HACD4: variants seen among roughly 807,000 people sequenced by gnomAD.
HACD4 encodes very-long-chain (3R)-3-hydroxyacyl-CoA dehydratase 4.
Under a neutral mutation model 33.3 loss-of-function variants are expected in HACD4, and 35 were observed. That is an observed-to-expected ratio of 1.05 (90% confidence interval 0.80 to 1.39). HACD4 has a LOEUF of 1.39. HACD4 is among the 40% of genes most tolerant of loss of function. The probability of loss-of-function intolerance (pLI) is 0.00; values close to 1 mark genes in which losing one functional copy is unlikely to be tolerated. For missense variants in HACD4, 323 were observed against 276.5 expected, an observed-to-expected ratio of 1.17 and a Z score of -1.19; for synonymous variants, 118 against 98.0, an observed-to-expected ratio of 1.20 and a Z score of -1.21.
chr9:21,003,698 G>C lies in HACD4; in HGVS notation c.*3339C>G, dbSNP rs1052109968. 6.6e-6 allele frequency: 1 copy of C among 151,980 alleles called. No individual in the cohort carries two copies. Among genetic ancestry groups the C allele is most frequent in the Non-Finnish European group, 1.5e-5 (1 of 67,976 alleles). 9.4% of individuals were successfully genotyped at this position (151,980 alleles called of 1,614,324 possible). A position where few individuals can be genotyped will look rare whatever the true frequency, so the allele number is the denominator to read the frequency against. ...ACCTTTTTACATAGTTTCTAGGTAA[G>C]ATCTTTATAATTCTTTACCAAAAAT... On this transcript the variant is annotated 3_prime_UTR_variant, in exon 7 of 7. Coordinates refer to ENST00000495827, the MANE Select transcript of HACD4 (RefSeq NM_001010915.5).
At chr9:21,013,066 CAAAAAAAA>C in intron 4 of HACD4, among the ~76,000 whole-genome samples, 1 of 69,056 alleles carries the variant, frequency 1.4e-5, no homozygotes, top group Middle Eastern at 8.1e-3. Context: ...GACTCCATCT[CAAAAAAAA>C]AAAAAAAAAG....
chr9:21,018,077 C>T (rs572440600), intron 3 of HACD4, among the ~76,000 whole-genome samples: 1 of 152,174 alleles, frequency 6.6e-6, no homozygotes, highest in Admixed American at 6.5e-5. Flanking sequence ...AAGACTCCCT[C>T]TATATTCGGT....
At chr9:21,009,815 A>G (rs1842368153) in intron 5 of HACD4, among the ~76,000 whole-genome samples, 2 of 152,100 alleles carry the variant, frequency 1.3e-5, no homozygotes, top group African/African-American at 2.4e-5. Flanking sequence ...TTTCCTTTCT[A>G]TATTCTCTAC....
At chr9:21,022,906 G>A (rs1177452750) in intron 3 of HACD4, among the ~76,000 whole-genome samples, 4 of 151,790 alleles carry the variant, frequency 2.6e-5, no homozygotes, top group African/African-American at 7.3e-5. Flanking sequence ...CTGCTATAAA[G>A]ACACATGCAC....
rs747763303 is a variant in HACD4 at position 21,005,722 on chromosome 9, C to T, written c.*1315G>A. On this transcript the variant is annotated 3_prime_UTR_variant, in exon 7 of 7. Transcript: ENST00000495827. This position sits in a 1 kb window ranked among gnomAD's most constrained non-coding sequence, Gnocchi z 4.0. Reference sequence around the variant, plus strand: ...GGGGTCATCCTCCTCCAACATAGTCCTGGGGGCAATACCTCTGCCTCACTG... The same window carrying T: ...GGGGTCATCCTCCTCCAACATAGTCTTGGGGGCAATACCTCTGCCTCACTG... The T allele has an allele frequency of 6.6e-6, 1 of 152,254 alleles. No individual in the cohort carries two copies. The highest frequency in any genetic ancestry group is 1.5e-5 in the Non-Finnish European group (1 of 68,128). The allele number at this position is 152,254 out of a possible 1,614,324, so 9.4% of individuals were successfully genotyped here.
intron 1 of HACD4, 172 bp downstream of exon 1, chr9:21,031,381 G>A (rs1347220132): frequency 1.2e-6 from 1 of 846,346 alleles, no homozygotes; most frequent in Non-Finnish European, 1.4e-6. Context: ...GTGGTCAAGA[G>A]GGGTAAGTTA....
intron 5 of HACD4, among the ~76,000 whole-genome samples, chr9:21,011,089 A>G (rs572956555): frequency 1.2e-4 from 19 of 152,270 alleles, no homozygotes; most frequent in Non-Finnish European, 2.2e-4. Context: ...AAGATTCATG[A>G]TACTGTACCC....
Position 21,008,901 on chromosome 9 carries a change from C to T in HACD4, c.491-755G>A, listed in dbSNP as rs535595040. Among the ~76,000 whole-genome samples the T allele has an allele frequency of 8.5e-5, 13 of 152,050 alleles. No individual in the cohort carries two copies. In the South Asian group the frequency reaches 2.7e-3, roughly 32 times the overall value. On this transcript the variant is annotated intron_variant, in intron 5 of 6. Coordinates refer to ENST00000495827, the MANE Select transcript of HACD4 (RefSeq NM_001010915.5). ...TTCTTATGGGTCAAAATTATCCCTA[C>T]ATAAAAAGTTTTTAAAAAGAGAAAG...
chr9:21,018,866 C>G (rs1025399507), intron 3 of HACD4, among the ~76,000 whole-genome samples: 1 of 152,046 alleles, frequency 6.6e-6, no homozygotes, highest in African/African-American at 2.4e-5. Context: ...AAAATTGAAA[C>G]TAAGTTGTTA....
At chr9:21,026,498 G>C (rs981167760) in intron 3 of HACD4, 98 bp downstream of exon 3, 33 of 944,098 alleles carry the variant, frequency 3.5e-5, no homozygotes, top group Non-Finnish European at 5.2e-5. Context: ...CCTAAGACAA[G>C]GGTTGGCTTT....
chr9:21,030,588 G>T (rs1174843105), intron 1 of HACD4, among the ~76,000 whole-genome samples: 2 of 152,232 alleles, frequency 1.3e-5, no homozygotes, highest in Non-Finnish European at 2.9e-5. Context: ...CTGAAGGGGG[G>T]TAGGGATGGG....
intron 5 of HACD4, among the ~76,000 whole-genome samples, chr9:21,010,456 A>C (rs1020742362): frequency 3.4e-4 from 36 of 104,938 alleles, no homozygotes; most frequent in African/African-American, 4.9e-4. Flanking sequence ...ACATCCTGGT[A>C]CCCCCCCCCC....
intron 2 of HACD4, among the ~76,000 whole-genome samples, chr9:21,028,362 T>C (rs188350291): frequency 6.6e-6 from 1 of 152,196 alleles, no homozygotes; most frequent in Non-Finnish European, 1.5e-5. Context: ...TCCCATCACC[T>C]GTGTTTTCCT....
In HACD4 at chr9:21,007,121, T is replaced by C. The variant is rs751837072; in HGVS notation, c.617-2A>G. 6.9e-7 allele frequency: 1 copy of C among 1,444,004 alleles called. No homozygotes were observed. The highest frequency in any genetic ancestry group is 9.8e-7 in the Non-Finnish European group (1 of 1,025,502). 89.4% of individuals were successfully genotyped at this position (1,444,004 alleles called of 1,614,324 possible). A position where few individuals can be genotyped will look rare whatever the true frequency, so the allele number is the denominator to read the frequency against. On this transcript the variant is annotated splice_acceptor_variant, in intron 6 of 6. Coordinates refer to ENST00000495827, the MANE Select transcript of HACD4 (RefSeq NM_001010915.5). LOFTEE classifies it high-confidence loss of function. Reference sequence around the variant, plus strand: ...GATGACTGTAGGTAAAATACATACCTAATATGGAGAAAGAAGTTGCAAAAG... The same window carrying C: ...GATGACTGTAGGTAAAATACATACCCAATATGGAGAAAGAAGTTGCAAAAG...
chr9:21,010,486 G>A (rs1842392048), intron 5 of HACD4, among the ~76,000 whole-genome samples: 1 of 127,356 alleles, frequency 7.9e-6, no homozygotes, highest in South Asian at 2.5e-4. Context: ...TTACAGTCTA[G>A]TCAAGGAAAT....
At chr9:21,023,228 G>C in intron 3 of HACD4, among the ~76,000 whole-genome samples, 1 of 129,172 alleles carries the variant, frequency 7.7e-6, no homozygotes, top group Non-Finnish European at 1.6e-5. Flanking sequence ...TGGGGTGGGG[G>C]GAGGGGGGAG....
chr9:21,018,147 A>G (rs1817810422), intron 3 of HACD4, among the ~76,000 whole-genome samples: 2 of 152,298 alleles, frequency 1.3e-5, no homozygotes, highest in East Asian at 3.9e-4. Flanking sequence ...TGACCATTCA[A>G]TGGCAATACA....
chr9:21,026,505 C>T (rs1414346848), intron 3 of HACD4, 91 bp downstream of exon 3: 5 of 1,066,994 alleles, frequency 4.7e-6, no homozygotes, highest in Non-Finnish European at 6.8e-6. Context: ...CAAGGGTTGG[C>T]TTTCTAACTG....
chr9:21,023,656 T>C (rs370476279), intron 3 of HACD4, among the ~76,000 whole-genome samples: 1 of 149,496 alleles, frequency 6.7e-6, no homozygotes, highest in East Asian at 2.0e-4. Context: ...CTCACTGTAA[T>C]CTCTGCCTCC....
Sources: gnomAD v4.1 joint callset for allele counts (sites outside exome capture counted in the v4.1 genomes callset) on GRCh38, gnomAD v4.1.1 for gene constraint, Gnocchi (gnomAD v3.1) non-coding constraint, MANE v1.5 for transcripts, NCBI Gene and HGNC (gene_info 2026-07-23, HGNC 2026-07-21) for gene names.